The following WDR20 variants were observed in gnomAD, a reference collection of about 807,000 sequenced individuals.
The protein encoded by WDR20 is WD repeat domain 20.
WDR20 carries 3 observed loss-of-function variants against 38.7 expected under a neutral mutation model. The observed-to-expected ratio is 0.08, with a 90% CI of 0.04 to 0.20. The LOEUF is 0.20. WDR20 is among the 10% of genes least tolerant of loss of function. The probability of loss-of-function intolerance (pLI) is 1.00; values close to 1 mark genes in which losing one functional copy is unlikely to be tolerated. For missense variants in WDR20, 559 were observed against 727.7 expected (o/e 0.77, Z 2.67); for synonymous variants, 298 against 285.6 (o/e 1.04, Z -0.44).
chr14:102,145,745 C>T (rs181354411), intron 1 of WDR20, among the ~76,000 whole-genome samples: 53 of 151,202 alleles, frequency 3.5e-4, no homozygotes, highest in Non-Finnish European at 1.3e-4. Flanking sequence ...CACTCCAGCC[C>T]GGGCAAGAGA....
At chr14:102,219,304 G>A (rs1195205761), downstream of WDR20, among the ~76,000 whole-genome samples, 2 of 152,240 alleles carry the variant, frequency 1.3e-5, no homozygotes, top group Non-Finnish European at 2.9e-5. Flanking sequence ...TCCATCTCCA[G>A]CAAGTGACAG....
intron 1 of WDR20, among the ~76,000 whole-genome samples, chr14:102,163,198 A>T (rs2059109355): frequency 6.6e-6 from 1 of 152,144 alleles, no homozygotes; most frequent in Non-Finnish European, 1.5e-5. Flanking sequence ...ACATAAAAAC[A>T]AGTTGGCCAA....
chr14:102,146,187 G>A (rs189802504), intron 1 of WDR20, among the ~76,000 whole-genome samples: 61 of 151,946 alleles, frequency 4.0e-4, no homozygotes, highest in African/African-American at 1.4e-3. Flanking sequence ...TTTTTGAGAC[G>A]AAGTCTTGCT....
intron 1 of WDR20, among the ~76,000 whole-genome samples, chr14:102,162,200 C>G (rs961065620): frequency 2.6e-5 from 4 of 152,200 alleles, no homozygotes; most frequent in Admixed American, 2.6e-4. Context: ...TTTCTCGAGA[C>G]AAGCTCATAG....
chr14:102,209,016 G>A lies in WDR20; in HGVS notation c.846G>A (p.Glu282=). ...PDGKYIVTGG[E]DDLVTVWSFV... The stretch of plus-strand genomic sequence containing the variant: ...GCAAGTACATCGTGACAGGTGGGGA[G>A]GACGACTTGGTGACAGTCTGGTCCT... The change falls in exon 3 of 3, where the codon GAG becomes GAA. Residue 282 remains glutamate (E), a synonymous_variant. Coordinates refer to ENST00000342702, the MANE Select transcript of WDR20 (RefSeq NM_144574.4). This position sits in a 1 kb window ranked among gnomAD's most constrained non-coding sequence, Gnocchi z 6.0. 6.2e-7 allele frequency: 1 copy of A among 1,614,174 alleles called. No individual in the cohort carries two copies. Among genetic ancestry groups the A allele is most frequent in the Non-Finnish European group, 8.5e-7 (1 of 1,180,040 alleles).
At chr14:102,168,312 C>T (rs984655625) in intron 1 of WDR20, among the ~76,000 whole-genome samples, 18 of 151,614 alleles carry the variant, frequency 1.2e-4, no homozygotes, top group African/African-American at 3.4e-4. Flanking sequence ...TTTTTCCCCC[C>T]AAAGATAAAA....
chr14:102,212,595 G>A (rs768656929), downstream of WDR20: 22 of 1,535,730 alleles, frequency 1.4e-5, no homozygotes, highest in South Asian at 2.6e-4. Flanking sequence ...GTGCCCAACA[G>A]CTTGAGAAGA....
At chr14:102,196,972 G>T (rs564267833) in intron 2 of WDR20, among the ~76,000 whole-genome samples, 6 of 152,278 alleles carry the variant, frequency 3.9e-5, no homozygotes, top group African/African-American at 1.4e-4. Flanking sequence ...TCAGATTTTG[G>T]TCAGAATGTC....
chr14:102,176,939 G>A (rs879426252), intron 1 of WDR20, among the ~76,000 whole-genome samples: 1 of 152,046 alleles, frequency 6.6e-6, no homozygotes, highest in Non-Finnish European at 1.5e-5. Context: ...ATTGGGTCAG[G>A]CTGGTCCTGC....
chr14:102,151,188 T>TC (rs1278328453), intron 1 of WDR20, among the ~76,000 whole-genome samples: 4 of 148,336 alleles, frequency 2.7e-5, no homozygotes, highest in East Asian at 3.9e-4. Flanking sequence ...TTTTTTTTTT[T>TC]TTTTTTTTTT....
At chr14:102,154,017 A>T (rs1416443973) in intron 1 of WDR20, among the ~76,000 whole-genome samples, 1 of 152,246 alleles carries the variant, frequency 6.6e-6, no homozygotes, top group Non-Finnish European at 1.5e-5. Context: ...AAATTTTTTT[A>T]AATGAGCTAG....
chr14:102,155,629 G>A (rs1203500533), intron 1 of WDR20, among the ~76,000 whole-genome samples: 2 of 152,100 alleles, frequency 1.3e-5, no homozygotes, highest in African/African-American at 4.8e-5. Flanking sequence ...AGAATTTAGA[G>A]GGTAGCCTGA....
At chr14:102,197,272 G>A (rs2059570716) in intron 2 of WDR20, among the ~76,000 whole-genome samples, 1 of 152,220 alleles carries the variant, frequency 6.6e-6, no homozygotes, top group Admixed American at 6.5e-5. Flanking sequence ...ATGGTTGCCA[G>A]ATGAGCTCTT....
At chr14:102,172,716 C>T (rs1408340479) in intron 1 of WDR20, among the ~76,000 whole-genome samples, 24 of 148,058 alleles carry the variant, frequency 1.6e-4, no homozygotes, top group Admixed American at 4.7e-4. Context: ...GGGGGCTGAC[C>T]CCCACCTCCC....
intron 1 of WDR20, among the ~76,000 whole-genome samples, chr14:102,185,247 G>A (rs947533033): frequency 1.3e-5 from 2 of 152,126 alleles, no homozygotes; most frequent in African/African-American, 4.8e-5. Flanking sequence ...AATGTTTCCC[G>A]AGTGCCTTTT....
At chr14:102,174,844 A>T (rs988514730) in intron 1 of WDR20, among the ~76,000 whole-genome samples, 3 of 152,098 alleles carry the variant, frequency 2.0e-5, no homozygotes, top group Non-Finnish European at 4.4e-5. Context: ...GTCAATTTGT[A>T]TATCTTCTTT....
Position 102,209,369 on chromosome 14 carries a change from A to ACACAAATGTCATGAATGC in WDR20, c.1203_1220dup (p.Asn402_Thr407dup). The ACACAAATGTCATGAATGC allele has an allele frequency of 6.2e-7, 1 of 1,614,164 alleles. No homozygotes were observed. The highest frequency in any genetic ancestry group is 8.5e-7 in the Non-Finnish European group (1 of 1,180,032). Reference sequence around the variant, plus strand: ...CAACCCCTCTCAAGAGCAAGGACACACACAAATGTCATGAATGCCACGAGT... The same window carrying ACACAAATGTCATGAATGC: ...CAACCCCTCTCAAGAGCAAGGACACACACAAATGTCATGAATGCCACAAATGTCATGAATGCCACGAGT... On this transcript the variant is annotated inframe_insertion, in exon 3 of 3. Transcript: ENST00000342702. The surrounding 1 kb of genome is among the most constrained non-coding windows in gnomAD (Gnocchi z 6.0).
chr14:102,177,550 C>T (rs939127084), intron 1 of WDR20, among the ~76,000 whole-genome samples: 7 of 152,054 alleles, frequency 4.6e-5, no homozygotes, highest in South Asian at 2.1e-4. Context: ...AACCCAGTGT[C>T]GTGATATTGG....
chr14:102,152,715 C>G (rs1314838075), intron 1 of WDR20, among the ~76,000 whole-genome samples: 4 of 152,086 alleles, frequency 2.6e-5, no homozygotes, highest in Admixed American at 2.6e-4. Flanking sequence ...GTACCTGGCC[C>G]CATGATCTCG....
Sources: allele counts gnomAD v4.1 joint callset (sites outside exome capture counted in the v4.1 genomes callset), GRCh38; gene constraint gnomAD v4.1.1; non-coding constraint Gnocchi (gnomAD v3.1); transcripts MANE v1.5; gene names NCBI Gene and HGNC (gene_info 2026-07-23, HGNC 2026-07-21).